The following SPRYD4 variants were observed in gnomAD, a reference collection of about 807,000 sequenced individuals.
SPRYD4 encodes the protein SPRY domain-containing protein 4.
In SPRYD4, 12 loss-of-function variants were observed where a neutral mutation model predicts 16.6. That is an observed-to-expected ratio of 0.72 (90% CI 0.46 to 1.17). SPRYD4 has a LOEUF of 1.17. SPRYD4 is among the 50% of genes most tolerant of loss of function. The probability of loss-of-function intolerance (pLI) is 0.00; values close to 1 mark genes in which losing one functional copy is unlikely to be tolerated. For synonymous variants in SPRYD4, 98 were observed against 105.4 expected (o/e 0.93, Z 0.43); for missense variants, 260 against 260.2 (o/e 1.00, Z 0.00).
rs768421186 is a variant in SPRYD4, at chr12:56,468,628, C to T, written c.37C>T (p.Arg13Cys). 6.8e-6 allele frequency: 11 copies of T among 1,614,018 alleles called. No individual in the cohort carries two copies. In the East Asian group the frequency reaches 2.0e-4, roughly 29 times the overall value. The stretch of plus-strand genomic sequence containing the variant: ...TTTTGCACGTTCTTTGCGCTTGTGC[C>T]GCTGGGGAGCCAAACGATTGGGAGT... ...LLFARSLRLC[R>C]WGAKRLGVAS... Residue 13 changes from arginine to cysteine, a missense_variant, in exon 1 of 2, where the codon CGC (arginine) becomes TGC (cysteine). Transcript: ENST00000338146.
rs771745896 is a variant in SPRYD4 at position 56,473,340 on chromosome 12, ATAT to A, written c.*3765_*3767del. On this transcript the variant is annotated 3_prime_UTR_variant, in exon 2 of 2. Transcript: ENST00000338146. ...CAACTTCTAGAATTGTAAGCCAAAT[ATAT>A]TGTTTATTTACTCCTTACACTTAGT... 6.2e-7 allele frequency: 1 copy of A among 1,613,566 alleles called. No homozygotes were observed. The highest frequency in any genetic ancestry group is 8.5e-7 in the Non-Finnish European group (1 of 1,179,660).
intron 1 of SPRYD4, 104 bp from the exon 2 acceptor site, chr12:56,468,935 C>G: frequency 7.1e-7 from 1 of 1,400,564 alleles, no homozygotes; most frequent in South Asian, 1.4e-5. Flanking sequence ...CTGACTCTTC[C>G]CTAGTTGCTC....
rs935626804 is a variant in SPRYD4 at position 56,477,699 on chromosome 12, C to G, written c.*8122C>G. 2 of 1,613,480 alleles carry G rather than the reference C, an allele frequency of 1.2e-6. No individual in the cohort carries two copies. ...TGACAACAATGGCACCAGCATTGACCATGGGGTTATGGGGGATTCCTGGGG... is the reference window on the plus strand; with the variant it reads ...TGACAACAATGGCACCAGCATTGACGATGGGGTTATGGGGGATTCCTGGGG... On this transcript the variant is annotated 3_prime_UTR_variant, in exon 2 of 2. Coordinates refer to ENST00000338146, the MANE Select transcript of SPRYD4 (RefSeq NM_207344.4).
In SPRYD4 at chr12:56,469,780, A is replaced by AAC. The variant is rs10700116; in HGVS notation, c.*204_*205dup. ...CAAACCCTCCTTTTCCCCACCCACCAACTACTGCCAATTTCCTAGGCTACC... is the reference window on the plus strand; with the variant it reads ...CAAACCCTCCTTTTCCCCACCCACCAACACTACTGCCAATTTCCTAGGCTACC... On this transcript the variant is annotated 3_prime_UTR_variant, in exon 2 of 2. Transcript: ENST00000338146. 0.77 allele frequency: 454,024 copies of AAC among 592,088 alleles called. 178,129 individuals carry two copies. The highest frequency in any genetic ancestry group is 0.9 in the East Asian group (31,842 of 35,482). The allele number at this position is 592,088 out of a possible 1,614,324, so 36.7% of individuals were successfully genotyped here.
Position 56,472,320 on chromosome 12 carries a change from T to A in SPRYD4, c.*2743T>A. ...TGAAACAGCCTATAGCCAGATTTGTTGGCTCTGAATAATCTTTTTTCCATA... is the reference window on the plus strand; with the variant it reads ...TGAAACAGCCTATAGCCAGATTTGTAGGCTCTGAATAATCTTTTTTCCATA... On this transcript the variant is annotated 3_prime_UTR_variant, in exon 2 of 2. Transcript: ENST00000338146. 1.3e-6 allele frequency: 1 copy of A among 788,246 alleles called. No homozygotes were observed. Among genetic ancestry groups the A allele is most frequent in the African/African-American group, 1.7e-5 (1 of 58,180 alleles). The allele number at this position is 788,246 out of a possible 1,614,324, so 48.8% of individuals were successfully genotyped here. A position where few individuals can be genotyped will look rare whatever the true frequency, so the allele number is the denominator to read the frequency against.
rs554271890 is a variant in SPRYD4 at position 56,473,156 on chromosome 12, A to T, written c.*3579A>T. On this transcript the variant is annotated 3_prime_UTR_variant, in exon 2 of 2. Coordinates refer to ENST00000338146, the MANE Select transcript of SPRYD4 (RefSeq NM_207344.4). The stretch of plus-strand genomic sequence containing the variant: ...CGCCCGCCTTGGCCTCTCAAAGTGC[A>T]GGGATTACAGGCGTGAGCCACCGCA... The T allele has an allele frequency of 1.4e-4, 189 of 1,394,090 alleles. No individual in the cohort carries two copies. Among genetic ancestry groups the T allele is most frequent in the Middle Eastern group, 9.2e-4 (5 of 5,438 alleles). The allele number at this position is 1,394,090 out of a possible 1,614,324, so 86.4% of individuals were successfully genotyped here.
rs1410276253 is a variant in SPRYD4 at position 56,477,692 on chromosome 12, C to T, written c.*8115C>T. Reference sequence around the variant, plus strand: ...AGGGAGCTGACAACAATGGCACCAGCATTGACCATGGGGTTATGGGGGATT... The same window carrying T: ...AGGGAGCTGACAACAATGGCACCAGTATTGACCATGGGGTTATGGGGGATT... On this transcript the variant is annotated 3_prime_UTR_variant, in exon 2 of 2. Coordinates refer to ENST00000338146, the MANE Select transcript of SPRYD4 (RefSeq NM_207344.4). 2.5e-6 allele frequency: 4 copies of T among 1,613,518 alleles called. No homozygotes were observed. The South Asian group carries it at 3.3e-5, about 13-fold the overall frequency.
rs769120840 is a variant in SPRYD4, at chr12:56,475,661, T to C, written c.*6084T>C. 1.4e-5 allele frequency: 23 copies of C among 1,614,090 alleles called. No homozygotes were observed. Among genetic ancestry groups the C allele is most frequent in the Non-Finnish European group, 1.7e-6 (2 of 1,180,042 alleles). ...AAACCCATGTATTCATTCCCAGCCA[T>C]TTTGTTGAGATACTGCAACACCTGG... On this transcript the variant is annotated 3_prime_UTR_variant, in exon 2 of 2. Transcript: ENST00000338146.
chr12:56,471,495 T>C lies in SPRYD4; in HGVS notation c.*1918T>C. On this transcript the variant is annotated 3_prime_UTR_variant, in exon 2 of 2. Coordinates refer to ENST00000338146, the MANE Select transcript of SPRYD4 (RefSeq NM_207344.4). ...CTGTCCATGACCTGTGCTCATACCA[T>C]GCTTTCTAAGTTCTCTTTGGACAGG... The C allele has an allele frequency of 6.2e-7, 1 of 1,613,126 alleles. No homozygotes were observed.
Position 56,477,451 on chromosome 12 carries a change from TGAGTGGGGATGACG to T in SPRYD4, c.*7878_*7891del, listed in dbSNP as rs1407878781. 1.4e-5 allele frequency: 7 copies of T among 514,134 alleles called. No homozygotes were observed. In the East Asian group the frequency reaches 2.2e-4, roughly 16 times the overall value. 31.8% of individuals were successfully genotyped at this position (514,134 alleles called of 1,614,324 possible). ...CATGGGTGGGGGCAGGGAACAGTACTGAGTGGGGATGACGGAGGTGGTGCAGTCTCTTATACTGA... is the reference window on the plus strand; with the variant it reads ...CATGGGTGGGGGCAGGGAACAGTACTGAGGTGGTGCAGTCTCTTATACTGA... On this transcript the variant is annotated 3_prime_UTR_variant, in exon 2 of 2. Coordinates refer to ENST00000338146, the MANE Select transcript of SPRYD4 (RefSeq NM_207344.4).
chr12:56,473,273 G>A lies in SPRYD4; in HGVS notation c.*3696G>A, dbSNP rs769926689. Reference sequence around the variant, plus strand: ...GCCGTGGGTCTAACTTCCGAGCACAGTGCCTCAGGTTGTCATAGTTGTGGA... The same window carrying A: ...GCCGTGGGTCTAACTTCCGAGCACAATGCCTCAGGTTGTCATAGTTGTGGA... On this transcript the variant is annotated 3_prime_UTR_variant, in exon 2 of 2. Coordinates refer to ENST00000338146, the MANE Select transcript of SPRYD4 (RefSeq NM_207344.4). 3 of 1,614,150 alleles carry A rather than the reference G, an allele frequency of 1.9e-6. No homozygotes were observed. Among genetic ancestry groups the A allele is most frequent in the Non-Finnish European group, 2.5e-6 (3 of 1,180,036 alleles).
rs761432434 is a variant in SPRYD4 at position 56,471,783 on chromosome 12, C to G, written c.*2206C>G. The G allele has an allele frequency of 1.2e-6, 2 of 1,613,998 alleles. No homozygotes were observed. Among genetic ancestry groups the G allele is most frequent in the African/African-American group, 2.7e-5 (2 of 74,888 alleles). On this transcript the variant is annotated 3_prime_UTR_variant, in exon 2 of 2. Coordinates refer to ENST00000338146, the MANE Select transcript of SPRYD4 (RefSeq NM_207344.4). ...TAGCCTATTCCTCACCTGTCCTTGG[C>G]AAAAGGATTCACTTTGCAAGCCTCG...
Position 56,475,079 on chromosome 12 carries a change from T to A in SPRYD4, c.*5502T>A. On this transcript the variant is annotated 3_prime_UTR_variant, in exon 2 of 2. Transcript: ENST00000338146. ...TTGAGATAATAGCCGATGGCATAAT[T>A]CCGATCCCCTGTTTCCTTCTCTGAC... 1 of 1,614,142 alleles carries A rather than the reference T, an allele frequency of 6.2e-7. No homozygotes were observed. Among genetic ancestry groups the A allele is most frequent in the South Asian group, 1.1e-5 (1 of 91,080 alleles).
Position 56,472,947 on chromosome 12 carries a change from G to GCGC in SPRYD4, c.*3371_*3373dup. 3.4e-6 allele frequency: 2 copies of GCGC among 594,054 alleles called. No homozygotes were observed. Among genetic ancestry groups the GCGC allele is most frequent in the Non-Finnish European group, 5.8e-6 (2 of 343,300 alleles). 36.8% of individuals were successfully genotyped at this position (594,054 alleles called of 1,614,324 possible). On this transcript the variant is annotated 3_prime_UTR_variant, in exon 2 of 2. Transcript: ENST00000338146. ...CTGTCGTTCAGGCTGAAGTGTAGTG[G>GCGC]CGCGCGGTCTTGGCTCACTGCAACC...
At position 56,476,026 on chromosome 12, in the gene SPRYD4, A is replaced by T. The variant is rs1301055880; in HGVS notation, c.*6449A>T. 1.3e-6 allele frequency: 2 copies of T among 1,583,282 alleles called. No homozygotes were observed. Among genetic ancestry groups the T allele is most frequent in the African/African-American group, 1.3e-5 (1 of 74,532 alleles). ...AGCATTCTAAGTGTAGGAGGATGAC[A>T]GAGGGAAGGGTCAGAAGGATCTAGT... On this transcript the variant is annotated 3_prime_UTR_variant, in exon 2 of 2. Transcript: ENST00000338146.
chr12:56,472,407 A>G lies in SPRYD4; in HGVS notation c.*2830A>G. On this transcript the variant is annotated 3_prime_UTR_variant, in exon 2 of 2. Transcript: ENST00000338146. ...GGAATGTGATCCTTCCAGAAATATC[A>G]CTCACTGCCTACCTGTGGTAAGTGC... 1.6e-6 allele frequency: 1 copy of G among 607,192 alleles called. No homozygotes were observed. Among genetic ancestry groups the G allele is most frequent in the Non-Finnish European group, 2.9e-6 (1 of 344,598 alleles). 37.6% of individuals were successfully genotyped at this position (607,192 alleles called of 1,614,324 possible). A position where few individuals can be genotyped will look rare whatever the true frequency, so the allele number is the denominator to read the frequency against.
chr12:56,478,919 G>T lies in SPRYD4; in HGVS notation c.*9342G>T, dbSNP rs562645028. ...GAATCGCTTGAACCTGGGAGGTGGA[G>T]GTTGCAGTGAGCTGAGATTGCACCA... On this transcript the variant is annotated 3_prime_UTR_variant, in exon 2 of 2. Coordinates refer to ENST00000338146, the MANE Select transcript of SPRYD4 (RefSeq NM_207344.4). 2 of 1,114,472 alleles carry T rather than the reference G, an allele frequency of 1.8e-6. No homozygotes were observed. The highest frequency in any genetic ancestry group is 1.6e-5 in the African/African-American group (1 of 63,604). The allele number at this position is 1,114,472 out of a possible 1,614,324, so 69.0% of individuals were successfully genotyped here.
rs946041890 is a variant in SPRYD4, at chr12:56,472,922, C to T, written c.*3345C>T. On this transcript the variant is annotated 3_prime_UTR_variant, in exon 2 of 2. Coordinates refer to ENST00000338146, the MANE Select transcript of SPRYD4 (RefSeq NM_207344.4). ...TTTTTTTTTGAGACGGAGTCTCGCT[C>T]TGTCGTTCAGGCTGAAGTGTAGTGG... The T allele has an allele frequency of 3.9e-4, 226 of 585,660 alleles. No individual in the cohort carries two copies. Among genetic ancestry groups the T allele is most frequent in the Non-Finnish European group, 6.1e-4 (209 of 344,374 alleles). The allele number at this position is 585,660 out of a possible 1,614,324, so 36.3% of individuals were successfully genotyped here.
Position 56,478,518 on chromosome 12 carries a change from T to C in SPRYD4, c.*8941T>C. The C allele has an allele frequency of 2.1e-6, 1 of 478,136 alleles. No individual in the cohort carries two copies. The allele number at this position is 478,136 out of a possible 1,614,324, so 29.6% of individuals were successfully genotyped here. A position where few individuals can be genotyped will look rare whatever the true frequency, so the allele number is the denominator to read the frequency against. On this transcript the variant is annotated 3_prime_UTR_variant, in exon 2 of 2. Coordinates refer to ENST00000338146, the MANE Select transcript of SPRYD4 (RefSeq NM_207344.4). ...AAAAAAGGAGAATTCTGAGGCAACCTTCCCCTTTTGGTTCTTAGGCTCAGT... is the reference window on the plus strand; with the variant it reads ...AAAAAAGGAGAATTCTGAGGCAACCCTCCCCTTTTGGTTCTTAGGCTCAGT...
Sources: allele counts gnomAD v4.1 joint callset, GRCh38; gene constraint gnomAD v4.1.1; transcripts MANE v1.5; gene names NCBI Gene and HGNC (gene_info 2026-07-23, HGNC 2026-07-21).